Variants in ATG5 observed in about 807,000 individuals in gnomAD.
ATG5 encodes the protein autophagy related 5.
A neutral mutation model predicts 36.5 loss-of-function variants in ATG5; 14 were observed. The observed-to-expected ratio is 0.38, with a 90% CI of 0.25 to 0.60. The LOEUF (loss-of-function observed/expected upper bound fraction) is 0.60. Ranked by LOEUF, ATG5 falls within the 20% of genes least tolerant of loss-of-function variation. The pLI is 0.60. For missense variants in ATG5, 195 were observed against 326.7 expected (o/e 0.60, Z 3.11); for synonymous variants, 95 against 101.5 (o/e 0.94, Z 0.38).
chr6:106,290,540 C>T (rs1261957065), intron 4 of ATG5, among the ~76,000 whole-genome samples: 1 of 151,840 alleles, frequency 6.6e-6, no homozygotes, highest in Non-Finnish European at 1.5e-5. Context: ...TGGTCTCAAA[C>T]TTCTGGGCTC....
intron 6 of ATG5, among the ~76,000 whole-genome samples, chr6:106,246,961 C>T (rs947654680): frequency 6.6e-6 from 1 of 152,142 alleles, no homozygotes; most frequent in Non-Finnish European, 1.5e-5. Flanking sequence ...TAACAATAAC[C>T]CCGCCTTCAT....
intron 3 of ATG5, among the ~76,000 whole-genome samples, chr6:106,296,546 G>A (rs1464028127): frequency 4.6e-5 from 7 of 152,168 alleles, no homozygotes; most frequent in Non-Finnish European, 1.0e-4. Flanking sequence ...GGCTGGGCGT[G>A]GTGGCTCACG....
chr6:106,235,440 C>A (rs1257587512), intron 6 of ATG5, among the ~76,000 whole-genome samples: 2 of 152,076 alleles, frequency 1.3e-5, no homozygotes, highest in Non-Finnish European at 2.9e-5. Flanking sequence ...GGTCGTCAGC[C>A]AACCTCCCCA....
chr6:106,189,646 T>TA (rs10688186), intron 7 of ATG5, among the ~76,000 whole-genome samples: 99,862 of 143,354 alleles, frequency 0.7, 35,041 homozygotes, highest in East Asian at 0.86. Context: ...AATAAAACAG[T>TA]AAAAAAAAAA....
intron 4 of ATG5, among the ~76,000 whole-genome samples, chr6:106,291,469 A>G (rs1166978188): frequency 1.3e-5 from 2 of 152,238 alleles, no homozygotes; most frequent in African/African-American, 2.4e-5. Context: ...TGATATTATT[A>G]TATCATGGAA....
At chr6:106,215,234 G>A (rs926466425) in intron 6 of ATG5, among the ~76,000 whole-genome samples, 2 of 152,270 alleles carry the variant, frequency 1.3e-5, no homozygotes, top group East Asian at 3.9e-4. Flanking sequence ...AAAAGCAGCT[G>A]TGCTGACCTC....
At chr6:106,321,044 T>G (rs1468607240) in intron 1 of ATG5, among the ~76,000 whole-genome samples, 3 of 152,100 alleles carry the variant, frequency 2.0e-5, no homozygotes, top group African/African-American at 7.2e-5. Flanking sequence ...GCAGGGAAGA[T>G]TTAGATGCTG....
At chr6:106,288,387 C>A (rs968151701) in intron 4 of ATG5, among the ~76,000 whole-genome samples, 30 of 152,148 alleles carry the variant, frequency 2.0e-4, no homozygotes, top group Admixed American at 5.9e-4. Flanking sequence ...TCCTTAAAAA[C>A]CAATGAGAAA....
intron 5 of ATG5, among the ~76,000 whole-genome samples, chr6:106,263,269 C>T (rs1243914774): frequency 6.6e-6 from 1 of 152,222 alleles, no homozygotes; most frequent in Non-Finnish European, 1.5e-5. Context: ...AACAAAGTGG[C>T]TGTGGCCAGA....
chr6:106,198,639 T>C (rs1007509412), intron 7 of ATG5, among the ~76,000 whole-genome samples: 2 of 152,054 alleles, frequency 1.3e-5, no homozygotes, highest in Non-Finnish European at 2.9e-5. Flanking sequence ...TAGCCAGGCA[T>C]GGTGGCAGGC....
At chr6:106,237,856 A>G (rs894116387) in intron 6 of ATG5, among the ~76,000 whole-genome samples, 9 of 152,190 alleles carry the variant, frequency 5.9e-5, no homozygotes, top group African/African-American at 2.2e-4. Context: ...TGTGAGAGGC[A>G]TTGTGAGGAG....
intron 5 of ATG5, among the ~76,000 whole-genome samples, chr6:106,249,430 T>C (rs902303011): frequency 2.6e-5 from 4 of 152,220 alleles, no homozygotes; most frequent in Non-Finnish European, 4.4e-5. Flanking sequence ...TATCAGAACT[T>C]CATTTGCTTT....
At chr6:106,311,815 T>C (rs1582686992) in intron 2 of ATG5, among the ~76,000 whole-genome samples, 1 of 151,500 alleles carries the variant, frequency 6.6e-6, no homozygotes, top group Non-Finnish European at 1.5e-5. Context: ...GTTACTACTG[T>C]GCAATTTGAT....
At chr6:106,217,590 C>T (rs1409007540) in intron 6 of ATG5, 1 of 152,198 alleles carries the variant, frequency 6.6e-6, no homozygotes, top group African/African-American at 2.4e-5. Flanking sequence ...TTCCCACCCA[C>T]ACTGCTGTGA....
chr6:106,324,535 CTTTT>C (rs1398512223), intron 1 of ATG5, among the ~76,000 whole-genome samples: 3 of 152,114 alleles, frequency 2.0e-5, no homozygotes, highest in Admixed American at 6.6e-5. Context: ...GATTTTTATT[CTTTT>C]GTTTACTATT....
chr6:106,325,086 T>A (rs963355535), intron 1 of ATG5, among the ~76,000 whole-genome samples: 4 of 152,228 alleles, frequency 2.6e-5, no homozygotes, highest in Non-Finnish European at 4.4e-5. Flanking sequence ...AAAATGTCTT[T>A]GGTAGCACTA....
At chr6:106,274,702 T>C (rs976327684) in intron 5 of ATG5, among the ~76,000 whole-genome samples, 4 of 152,184 alleles carry the variant, frequency 2.6e-5, no homozygotes, top group Admixed American at 6.5e-5. Context: ...AAACTACTTA[T>C]GAAAAATTGT....
At chr6:106,297,569 T>C (rs558608616) in intron 3 of ATG5, among the ~76,000 whole-genome samples, 10 of 152,274 alleles carry the variant, frequency 6.6e-5, no homozygotes, top group African/African-American at 1.7e-4. Flanking sequence ...TCAGGGGATG[T>C]TGACCATTTT....
intron 5 of ATG5, among the ~76,000 whole-genome samples, chr6:106,267,863 G>C (rs749573415): frequency 1.3e-5 from 2 of 152,142 alleles, no homozygotes; most frequent in Non-Finnish European, 2.9e-5. Context: ...AGACTTAAAT[G>C]TCAAGCCCAA....
Sources: allele counts gnomAD v4.1 joint callset (sites outside exome capture counted in the v4.1 genomes callset), GRCh38; gene constraint gnomAD v4.1.1; transcripts MANE v1.5; gene names NCBI Gene and HGNC (gene_info 2026-07-23, HGNC 2026-07-21).